Variants in ANKRD31 observed in about 807,000 individuals in gnomAD.
The protein encoded by ANKRD31 is ankyrin repeat domain-containing protein 31.
Under a neutral mutation model 186.0 loss-of-function variants are expected in ANKRD31, and 147 were observed. That is an observed-to-expected ratio of 0.79 (90% CI 0.69 to 0.91). ANKRD31 has a LOEUF of 0.91. Ranked by LOEUF, ANKRD31 falls within the 40% of genes least tolerant of loss-of-function variation. The probability of loss-of-function intolerance (pLI) is 0.00; values close to 1 mark genes in which losing one functional copy is unlikely to be tolerated. For missense variants in ANKRD31, 1,986 were observed against 2,148.8 expected (o/e 0.92, Z 1.50); for synonymous variants, 673 against 736.4 (o/e 0.91, Z 1.39).
At chr5:75,179,866 T>C (rs1421401457) in intron 10 of ANKRD31, among the ~76,000 whole-genome samples, 1 of 152,134 alleles carries the variant, frequency 6.6e-6, no homozygotes, top group Non-Finnish European at 1.5e-5. Context: ...CAACATACTT[T>C]TGGAAGTTCT....
chr5:75,200,514 T>A (rs1291204277), intron 5 of ANKRD31, among the ~76,000 whole-genome samples: 3 of 144,572 alleles, frequency 2.1e-5, no homozygotes, highest in Non-Finnish European at 1.5e-5. Context: ...GCCAGGCTGG[T>A]CTCAAACCCC....
chr5:75,217,058 T>C (rs1471399241), intron 3 of ANKRD31, among the ~76,000 whole-genome samples: 1 of 152,216 alleles, frequency 6.6e-6, no homozygotes, highest in African/African-American at 2.4e-5. Context: ...TGGCCTTGAC[T>C]TCTATTTTTA....
At position 75,102,586 on chromosome 5, in the gene ANKRD31, C is replaced by T. The variant is rs571540261; in HGVS notation, c.5331+1642G>A. Among the ~76,000 whole-genome samples the T allele has an allele frequency of 1.4e-4, 21 of 152,318 alleles. No individual in the cohort carries two copies. The South Asian group carries it at 3.3e-3, about 24-fold the overall frequency. ...GAGCTGTGGTGGCCTCCACCCAGTT[C>T]GAGCTTCCCGTCCACTTTGTTTACC... On this transcript the variant is annotated intron_variant, in intron 22 of 25. Transcript: ENST00000506364.
Position 75,236,752 on chromosome 5 carries a change from C to T in ANKRD31, c.-66G>A. On this transcript the variant is annotated 5_prime_UTR_variant, in exon 1 of 26. Transcript: ENST00000506364. ...TCCCTCTTGCCCGCAAACAAAAAAA[C>T]GCTTTGAGGGCCAGGGGAAATTGTG... The T allele has an allele frequency of 1.6e-6, 2 of 1,236,428 alleles. No individual in the cohort carries two copies. Among genetic ancestry groups the T allele is most frequent in the Non-Finnish European group, 2.2e-6 (2 of 896,958 alleles). 76.6% of individuals were successfully genotyped at this position (1,236,428 alleles called of 1,614,324 possible).
At chr5:75,198,973 G>A (rs1037253780) in intron 6 of ANKRD31, among the ~76,000 whole-genome samples, 2 of 152,172 alleles carry the variant, frequency 1.3e-5, no homozygotes, top group African/African-American at 4.8e-5. Context: ...GAAAGTGTAA[G>A]GTGTGGCTGA....
intron 25 of ANKRD31, among the ~76,000 whole-genome samples, chr5:75,077,755 C>G (rs546115672): frequency 6.6e-6 from 1 of 151,982 alleles, no homozygotes. Context: ...GAAACCCCGT[C>G]TCTACTAAAA....
Position 75,104,322 on chromosome 5 carries a change from C to T in ANKRD31, c.5237G>A (p.Ser1746Asn). 1 of 1,537,068 alleles carries T rather than the reference C, an allele frequency of 6.5e-7. No homozygotes were observed. The highest frequency in any genetic ancestry group is 8.7e-7 in the Non-Finnish European group (1 of 1,146,820). Residue 1746 changes from serine to asparagine, a missense_variant, in exon 22 of 26, where the codon AGT (serine) becomes AAT (asparagine). Coordinates refer to ENST00000506364, the MANE Select transcript of ANKRD31 (RefSeq NM_001372053.1). ...QDTIKKALNY[S>N]TAPKKKCIQI... Reference sequence around the variant, plus strand: ...AATACATTTCTTTTTAGGAGCTGTACTGTAGTTTAAAGCCTTTTTTATTGT... The same window carrying T: ...AATACATTTCTTTTTAGGAGCTGTATTGTAGTTTAAAGCCTTTTTTATTGT...
intron 12 of ANKRD31, among the ~76,000 whole-genome samples, chr5:75,151,271 C>T (rs1013319441): frequency 7.2e-5 from 11 of 151,934 alleles, no homozygotes; most frequent in Admixed American, 5.3e-4. Flanking sequence ...ATTGGAAGAA[C>T]TGTTTTATAT....
chr5:75,114,424 C>T (rs1434203611), intron 19 of ANKRD31, among the ~76,000 whole-genome samples: 1 of 152,158 alleles, frequency 6.6e-6, no homozygotes, highest in Non-Finnish European at 1.5e-5. Flanking sequence ...AAGAGTTAAC[C>T]ACATAGCATA....
rs1745902863 is a variant in ANKRD31, at chr5:75,091,294, G to A, written c.5439C>T (p.Asn1813=). 1 of 1,536,942 alleles carries A rather than the reference G, an allele frequency of 6.5e-7. No individual in the cohort carries two copies. Among genetic ancestry groups the A allele is most frequent in the Admixed American group, 2.0e-5 (1 of 50,958 alleles). Residue 1813 remains asparagine (N), a synonymous_variant, in exon 23 of 26, where the codon AAC becomes AAT. Coordinates refer to ENST00000506364, the MANE Select transcript of ANKRD31 (RefSeq NM_001372053.1). ...VTWLKDLLGG[N]SYVTWNYAWS... is the part of the protein sequence containing the mutation. Reference sequence around the variant, plus strand: ...AAGCATAATTCCAGGTCACATAACTGTTGCCTCCCAGAAGATCCTTGAGCC... The same window carrying A: ...AAGCATAATTCCAGGTCACATAACTATTGCCTCCCAGAAGATCCTTGAGCC...
rs1048769601 is a variant in ANKRD31 at position 75,167,208 on chromosome 5, A to G, written c.1707+1771T>C. ...TTTTACTGCTTTTTCACTTTTAGAA[A>G]ATAGGATATTATCTTTTAGTATCTC... On this transcript the variant is annotated intron_variant, in intron 11 of 25. Transcript: ENST00000506364. 5.3e-5 allele frequency among the ~76,000 whole-genome samples: 8 copies of G among 152,204 alleles called. No individual in the cohort carries two copies. In the East Asian group the frequency reaches 7.7e-4, roughly 15 times the overall value.
intron 20 of ANKRD31, among the ~76,000 whole-genome samples, chr5:75,109,461 T>TA (rs1742376920): frequency 6.6e-6 from 1 of 152,188 alleles, no homozygotes. Context: ...GAGCAGTTGT[T>TA]TACCTGAGTG....
chr5:75,164,731 A>C (rs1046316876), intron 11 of ANKRD31, among the ~76,000 whole-genome samples: 2 of 152,224 alleles, frequency 1.3e-5, no homozygotes, highest in South Asian at 2.1e-4. Flanking sequence ...AAACATCCAG[A>C]GATAAACACC....
rs571556919 is a variant in ANKRD31, at chr5:75,146,131, T to G, written c.3280A>C (p.Lys1094Gln). 6.5e-7 allele frequency: 1 copy of G among 1,536,146 alleles called. No homozygotes were observed. The highest frequency in any genetic ancestry group is 1.4e-5 in the African/African-American group (1 of 73,080). ...TGGTTTTGTCTCCTTTTTTCAACTT[T>G]AGTTGTTTCTATTACTTGAGAATGA... The part of the protein sequence containing the change: ...VAHSQVIETT[K>Q]VEKRRQNHLE... Residue 1094 changes from lysine to glutamine, a missense_variant, in exon 14 of 26, where the codon AAA (lysine) becomes CAA (glutamine). Lys to Gln is a moderately conservative substitution (Grantham distance 53). Coordinates refer to ENST00000506364, the MANE Select transcript of ANKRD31 (RefSeq NM_001372053.1).
At chr5:75,138,045 A>C (rs567378812) in intron 16 of ANKRD31, 47 bp from the exon 17 acceptor site, 969 of 1,398,098 alleles carry the variant, frequency 6.9e-4, no homozygotes, top group Non-Finnish European at 7.6e-4. Flanking sequence ...ATGCGAATCA[A>C]TACTCATGTA....
chr5:75,180,720 AC>A (rs1454896627), intron 10 of ANKRD31, among the ~76,000 whole-genome samples: 2 of 152,190 alleles, frequency 1.3e-5, no homozygotes, highest in Non-Finnish European at 2.9e-5. Context: ...TTACACCTAT[AC>A]AAAAATTAAT....
At chr5:75,200,177 A>G (rs1010705231) in intron 5 of ANKRD31, among the ~76,000 whole-genome samples, 2 of 151,724 alleles carry the variant, frequency 1.3e-5, no homozygotes, top group African/African-American at 4.8e-5. Flanking sequence ...TTCACTATCT[A>G]CTCTCACCCT....
At chr5:75,122,797 G>A (rs746528944) in intron 17 of ANKRD31, among the ~76,000 whole-genome samples, 8 of 151,832 alleles carry the variant, frequency 5.3e-5, no homozygotes, top group Admixed American at 2.6e-4. Context: ...AAATAATAAA[G>A]GCCATATGCA....
intron 22 of ANKRD31, among the ~76,000 whole-genome samples, chr5:75,098,807 C>T (rs940823363): frequency 1.3e-5 from 2 of 152,146 alleles, no homozygotes; most frequent in Admixed American, 6.5e-5. Context: ...GCTGAAGTTG[C>T]TTATCAGCTT....
Sources: allele counts gnomAD v4.1 joint callset (sites outside exome capture counted in the v4.1 genomes callset), GRCh38; gene constraint gnomAD v4.1.1; transcripts MANE v1.5; gene names NCBI Gene and HGNC (gene_info 2026-07-23, HGNC 2026-07-21).